The following NRG3 variants were observed in gnomAD, a reference collection of about 807,000 sequenced individuals.
NRG3 encodes pro-neuregulin-3, membrane-bound isoform.
NRG3 carries 31 observed loss-of-function variants against 66.9 expected under a neutral mutation model. The ratio of observed to expected loss-of-function variants is 0.46; its 90% CI spans 0.35 to 0.63. NRG3 has a LOEUF of 0.63. Ranked by LOEUF, NRG3 falls within the 20% of genes least tolerant of loss-of-function variation. The pLI, the probability that NRG3 is intolerant of heterozygous loss-of-function variation, is 0.00. For missense variants in NRG3, 910 were observed against 878.9 expected (o/e 1.04, Z -0.45); for synonymous variants, 393 against 359.4 (o/e 1.09, Z -1.06).
intron 3 of NRG3, among the ~76,000 whole-genome samples, chr10:82,804,947 T>C (rs1394766070): frequency 1.3e-5 from 2 of 152,214 alleles, no homozygotes; most frequent in Non-Finnish European, 2.9e-5. Context: ...CTATAAGAAA[T>C]GTACTACTGG....
chr10:82,673,918 G>T (rs1432320321), intron 2 of NRG3, among the ~76,000 whole-genome samples: 7 of 152,070 alleles, frequency 4.6e-5, no homozygotes, highest in African/African-American at 1.7e-4. Flanking sequence ...AGGAGAGAAC[G>T]ATCCTAGGGT....
At chr10:81,887,782 T>C (rs1287958834) in intron 1 of NRG3, among the ~76,000 whole-genome samples, 1 of 152,112 alleles carries the variant, frequency 6.6e-6, no homozygotes, top group Non-Finnish European at 1.5e-5. Flanking sequence ...ATTTATATAC[T>C]GTGTAACAAT....
chr10:82,755,143 C>T (rs1417867123), intron 3 of NRG3, among the ~76,000 whole-genome samples: 3 of 152,020 alleles, frequency 2.0e-5, no homozygotes, highest in African/African-American at 7.2e-5. Context: ...CCCTTCATAA[C>T]AAACATGATT....
chr10:82,375,536 CAA>C (rs57526579), intron 2 of NRG3, among the ~76,000 whole-genome samples: 348 of 127,286 alleles, frequency 2.7e-3, no homozygotes, highest in African/African-American at 8.9e-3. Flanking sequence ...GACTCCATCT[CAA>C]AAAAAAAAAA....
In NRG3 at chr10:82,875,114, T is replaced by C. The variant is rs141267056; in HGVS notation, c.1054+9677T>C. ...GGTAATCTACAGAAGTTGTATTGTATTGAAGGTTTTGTGGTGAGTACAGAC... is the reference window on the plus strand; with the variant it reads ...GGTAATCTACAGAAGTTGTATTGTACTGAAGGTTTTGTGGTGAGTACAGAC... On this transcript the variant is annotated intron_variant, in intron 4 of 8. Coordinates refer to ENST00000372141, the MANE Select transcript of NRG3 (RefSeq NM_001010848.4). 8.7e-3 allele frequency among the ~76,000 whole-genome samples: 1,323 copies of C among 152,312 alleles called. 10 individuals carry two copies. Among genetic ancestry groups the C allele is most frequent in the Non-Finnish European group, 0.015 (992 of 68,032 alleles).
intron 2 of NRG3, among the ~76,000 whole-genome samples, chr10:82,663,346 A>G (rs1443994761): frequency 1.3e-5 from 2 of 152,226 alleles, no homozygotes; most frequent in East Asian, 3.9e-4. Flanking sequence ...TAAGTCAATT[A>G]GAATTCTAAT....
At chr10:82,059,351 A>G (rs1195584166) in intron 1 of NRG3, among the ~76,000 whole-genome samples, 1 of 152,190 alleles carries the variant, frequency 6.6e-6, no homozygotes, top group Non-Finnish European at 1.5e-5. Context: ...GTGGAAGGAC[A>G]CAGATACACT....
chr10:82,419,711 G>T (rs1318959303), intron 2 of NRG3, among the ~76,000 whole-genome samples: 1 of 152,200 alleles, frequency 6.6e-6, no homozygotes, highest in Admixed American at 6.5e-5. Flanking sequence ...CAAATAAAAC[G>T]TAGGAATAGA....
chr10:81,875,324 G>A lies in NRG3; in HGVS notation c.-17G>A. On this transcript the variant is annotated 5_prime_UTR_variant, in exon 1 of 9. It removes the in-frame stop codon of an upstream open reading frame in the 5' UTR. Coordinates refer to ENST00000372141, the MANE Select transcript of NRG3 (RefSeq NM_001010848.4). The surrounding 1 kb of genome is among the most constrained non-coding windows in gnomAD (Gnocchi z 5.3). Reference sequence around the variant, plus strand: ...CCGCGGCCCTCGGGGGGGCGAAGGTGAAGACCGGCTCCTAGGATGAGTGAA... The same window carrying A: ...CCGCGGCCCTCGGGGGGGCGAAGGTAAAGACCGGCTCCTAGGATGAGTGAA... 1 of 985,826 alleles carries A rather than the reference G, an allele frequency of 1.0e-6. No homozygotes were observed. The highest frequency in any genetic ancestry group is 1.2e-6 in the Non-Finnish European group (1 of 831,518). 61.1% of individuals were successfully genotyped at this position (985,826 alleles called of 1,614,324 possible).
At chr10:82,487,666 A>C (rs1368728130) in intron 2 of NRG3, among the ~76,000 whole-genome samples, 1 of 152,240 alleles carries the variant, frequency 6.6e-6, no homozygotes, top group East Asian at 1.9e-4. Flanking sequence ...ACAGTTTATT[A>C]GAAAAAGAAA....
intron 2 of NRG3, among the ~76,000 whole-genome samples, chr10:82,384,354 C>T (rs2085835262): frequency 6.6e-6 from 1 of 151,928 alleles, no homozygotes; most frequent in African/African-American, 2.4e-5. Context: ...TAAAAATGTG[C>T]CATGGTGGTT....
intron 2 of NRG3, among the ~76,000 whole-genome samples, chr10:82,387,638 T>G (rs1285173527): frequency 6.6e-6 from 1 of 152,206 alleles, no homozygotes; most frequent in African/African-American, 2.4e-5. Flanking sequence ...CCAAGTCAAT[T>G]GGAATGTGAC....
intron 2 of NRG3, among the ~76,000 whole-genome samples, chr10:82,638,843 C>T (rs1180058103): frequency 6.6e-6 from 1 of 152,108 alleles, no homozygotes; most frequent in Non-Finnish European, 1.5e-5. Context: ...GACAGGGTTT[C>T]ACCATGTTGG....
chr10:82,196,929 G>A (rs1433996491), intron 1 of NRG3, among the ~76,000 whole-genome samples: 3 of 152,176 alleles, frequency 2.0e-5, no homozygotes, highest in African/African-American at 7.2e-5. Context: ...GAAACTTAAA[G>A]CTACCTCAAA....
intron 4 of NRG3, among the ~76,000 whole-genome samples, chr10:82,869,100 G>A (rs1466548059): frequency 6.6e-6 from 1 of 152,186 alleles, no homozygotes; most frequent in African/African-American, 2.4e-5. Context: ...CTGGGAAGGG[G>A]AAATGTAGGC....
At chr10:82,085,567 A>G (rs1385754382) in intron 1 of NRG3, among the ~76,000 whole-genome samples, 2 of 151,994 alleles carry the variant, frequency 1.3e-5, no homozygotes, top group Non-Finnish European at 2.9e-5. Flanking sequence ...ACAGACTCAC[A>G]CTTTTATTAG....
rs765881380 is a variant in NRG3 at position 82,358,885 on chromosome 10, A to G, written c.953+17A>G. ...ACACTGTCGGTAAGCCACTGAGGCC[A>G]CTGATGGAAAGGGCAGGCCCGTTGC... On this transcript the variant is annotated intron_variant, in intron 2 of 8. Coordinates refer to ENST00000372141, the MANE Select transcript of NRG3 (RefSeq NM_001010848.4). 1.2e-6 allele frequency: 2 copies of G among 1,614,058 alleles called. No individual in the cohort carries two copies. Among genetic ancestry groups the G allele is most frequent in the African/African-American group, 2.7e-5 (2 of 75,040 alleles).
chr10:82,181,650 T>G (rs1392414805), intron 1 of NRG3, among the ~76,000 whole-genome samples: 1 of 151,898 alleles, frequency 6.6e-6, no homozygotes, highest in Non-Finnish European at 1.5e-5. Context: ...CCTCTTAAAT[T>G]TGTTAGGACA....
intron 1 of NRG3, among the ~76,000 whole-genome samples, chr10:82,352,355 TA>T (rs2083486736): frequency 6.6e-6 from 1 of 152,226 alleles, no homozygotes; most frequent in Non-Finnish European, 1.5e-5. Context: ...TCATTTTTGT[TA>T]GACTTTGATA....
Sources: allele counts gnomAD v4.1 joint callset (sites outside exome capture counted in the v4.1 genomes callset), GRCh38; gene constraint gnomAD v4.1.1; non-coding constraint Gnocchi (gnomAD v3.1); transcripts MANE v1.5; gene names NCBI Gene and HGNC (gene_info 2026-07-23, HGNC 2026-07-21).